Variants in FIBCD1 observed in about 807,000 individuals in gnomAD.
The protein encoded by FIBCD1 is fibrinogen C domain containing 1.
A neutral mutation model predicts 45.1 loss-of-function variants in FIBCD1; 47 were observed. That is an observed-to-expected ratio of 1.04 (90% CI 0.82 to 1.33). The LOEUF (loss-of-function observed/expected upper bound fraction) is 1.33, where lower values mean the gene tolerates loss of function less well. Among genes scored for constraint, FIBCD1 ranks in the 40% most tolerant of loss-of-function variants. The pLI, the probability that FIBCD1 is intolerant of heterozygous loss-of-function variation, is 0.00. For synonymous variants in FIBCD1, 313 were observed against 308.1 expected (o/e 1.02, Z -0.17); for missense variants, 653 against 682.2 (o/e 0.96, Z 0.48).
At chr9:130,930,879 A>G (rs774620138) in intron 1 of FIBCD1, 4 of 450,316 alleles carry the variant, frequency 8.9e-6, no homozygotes, top group Non-Finnish European at 1.8e-5. Flanking sequence ...GCGATGCTAT[A>G]GATGGTCTCG....
intron 5 of FIBCD1, among the ~76,000 whole-genome samples, chr9:130,906,129 G>A (rs532113299): frequency 2.0e-5 from 3 of 152,150 alleles, no homozygotes; most frequent in Non-Finnish European, 2.9e-5. Context: ...CCTCTAGGCC[G>A]GCTCTGTGCC....
intron 4 of FIBCD1, 101 bp from the exon 5 acceptor site, chr9:130,911,989 C>T (rs776008115): frequency 2.1e-5 from 23 of 1,102,174 alleles, no homozygotes; most frequent in African/African-American, 3.2e-5. Context: ...ACCCTGCTCC[C>T]AACCTGCCCT....
chr9:130,911,063 A>T (rs925734233), intron 5 of FIBCD1, among the ~76,000 whole-genome samples: 2 of 152,232 alleles, frequency 1.3e-5, no homozygotes, highest in African/African-American at 4.8e-5. Flanking sequence ...AGGCTGCCCC[A>T]GCCAGCCTCG....
chr9:130,931,821 T>C (rs539847591), intron 1 of FIBCD1, among the ~76,000 whole-genome samples: 1 of 152,394 alleles, frequency 6.6e-6, no homozygotes, highest in Non-Finnish European at 1.5e-5. Context: ...GCCCCTCCTA[T>C]GATTGAATTT....
chr9:130,911,548 G>A (rs559133351), intron 5 of FIBCD1, among the ~76,000 whole-genome samples: 1 of 152,268 alleles, frequency 6.6e-6, no homozygotes, highest in Non-Finnish European at 1.5e-5. Flanking sequence ...CCAAGGGCAT[G>A]TGGGACCCTC....
chr9:130,905,801 G>A (rs1199024942), intron 5 of FIBCD1, among the ~76,000 whole-genome samples: 1 of 152,184 alleles, frequency 6.6e-6, no homozygotes, highest in Non-Finnish European at 1.5e-5. Flanking sequence ...CTGGGCCTTT[G>A]CACATGCTGT....
chr9:130,910,720 T>G (rs892940865), intron 5 of FIBCD1, among the ~76,000 whole-genome samples: 8 of 152,158 alleles, frequency 5.3e-5, no homozygotes, highest in Middle Eastern at 3.4e-3. Context: ...GGTTTGTGAG[T>G]GCACCAATCA....
At chr9:130,913,389 G>A (rs996676901) in intron 4 of FIBCD1, among the ~76,000 whole-genome samples, 2 of 152,242 alleles carry the variant, frequency 1.3e-5, no homozygotes, top group African/African-American at 4.8e-5. Flanking sequence ...TTACTAAGCA[G>A]CCTGATTTCA....
intron 2 of FIBCD1, among the ~76,000 whole-genome samples, chr9:130,928,451 G>A (rs1435765567): frequency 1.3e-5 from 2 of 152,218 alleles, no homozygotes; most frequent in African/African-American, 4.8e-5. Context: ...GAGGCCTGGG[G>A]AAGTTGCACA....
intron 4 of FIBCD1, among the ~76,000 whole-genome samples, chr9:130,913,627 G>A (rs13295626): frequency 0.26 from 38,951 of 152,144 alleles, 5,561 homozygotes; most frequent in East Asian, 0.59. Flanking sequence ...TGACCGGCTC[G>A]GGGTGGAAGG....
chr9:130,911,983 T>C, intron 4 of FIBCD1, 95 bp from the exon 5 acceptor site: 2 of 1,168,138 alleles, frequency 1.7e-6, no homozygotes, highest in South Asian at 2.7e-5. Flanking sequence ...CCCCTCACCC[T>C]GCTCCCAACC....
intron 1 of FIBCD1, among the ~76,000 whole-genome samples, chr9:130,931,318 G>C (rs1436982315): frequency 6.6e-6 from 1 of 152,186 alleles, no homozygotes; most frequent in African/African-American, 2.4e-5. Context: ...GACCATCCTG[G>C]CCAACAAGGT....
chr9:130,933,734 G>GGGGGGGT (rs1832477356), intron 1 of FIBCD1: 1 of 141,376 alleles, frequency 7.1e-6, no homozygotes, highest in African/African-American at 2.5e-5. Context: ...GGGTGGGGGG[G>GGGGGGGT]GGGCGGCTCA....
chr9:130,909,774 A>G lies in FIBCD1; in HGVS notation c.946+2018T>C, dbSNP rs868129225. Among the ~76,000 whole-genome samples, 3 of 150,540 alleles carry G rather than the reference A, an allele frequency of 2.0e-5. No homozygotes were observed. In the Middle Eastern group the frequency reaches 0.01, roughly 512 times the overall value. On this transcript the variant is annotated intron_variant, in intron 5 of 6. Coordinates refer to ENST00000372338, the MANE Select transcript of FIBCD1 (RefSeq NM_032843.5). ...TAGTGAAATGTTAAAAAAAAAAAAGAAATGTTAAGGACTTTCAAAAATTCT... is the reference window on the plus strand; with the variant it reads ...TAGTGAAATGTTAAAAAAAAAAAAGGAATGTTAAGGACTTTCAAAAATTCT...
chr9:130,916,089 C>T (rs1049404605), intron 4 of FIBCD1, among the ~76,000 whole-genome samples: 49 of 152,142 alleles, frequency 3.2e-4, no homozygotes, highest in Admixed American at 1.3e-4. Context: ...CCACCATGCC[C>T]GGCTAAGTTT....
At chr9:130,911,256 A>T (rs558882440) in intron 5 of FIBCD1, among the ~76,000 whole-genome samples, 1 of 152,302 alleles carries the variant, frequency 6.6e-6, no homozygotes, top group East Asian at 1.9e-4. Context: ...AGAAGAAAAA[A>T]ACTCCAGGCG....
chr9:130,911,231 A>C (rs1225303493), intron 5 of FIBCD1, among the ~76,000 whole-genome samples: 1 of 152,128 alleles, frequency 6.6e-6, no homozygotes, highest in African/African-American at 2.4e-5. Flanking sequence ...GAAACTCCGA[A>C]CATATCCGAA....
In FIBCD1 at chr9:130,924,369, C is replaced by G; in HGVS notation, c.580G>C (p.Ala194Pro). ...QLLSESQGHM[A>P]HLVNSVSDIL... ...TCGCTGACGGAGTTCACCAGGTGAGCCATGTGGCCCTGGCTCTCAGAGAGA... is the reference window on the plus strand; with the variant it reads ...TCGCTGACGGAGTTCACCAGGTGAGGCATGTGGCCCTGGCTCTCAGAGAGA... The change falls in exon 3 of 7, where the codon GCT (alanine) becomes CCT (proline). Residue 194 changes from alanine to proline, a missense_variant. Transcript: ENST00000372338. 1 of 1,609,614 alleles carries G rather than the reference C, an allele frequency of 6.2e-7. No individual in the cohort carries two copies. Among genetic ancestry groups the G allele is most frequent in the Non-Finnish European group, 8.5e-7 (1 of 1,179,068 alleles).
intron 5 of FIBCD1, among the ~76,000 whole-genome samples, chr9:130,905,797 C>T (rs1254934133): frequency 1.3e-5 from 2 of 152,208 alleles, no homozygotes; most frequent in African/African-American, 4.8e-5. Flanking sequence ...GCCTCTGGGC[C>T]TTTGCACATG....
Sources: gnomAD v4.1 joint callset for allele counts (sites outside exome capture counted in the v4.1 genomes callset) on GRCh38, gnomAD v4.1.1 for gene constraint, MANE v1.5 for transcripts, NCBI Gene and HGNC (gene_info 2026-07-23, HGNC 2026-07-21) for gene names.